The following PTGFR variants were observed in gnomAD, a reference collection of about 807,000 sequenced individuals.
The protein encoded by PTGFR is prostaglandin F receptor, also known as prostaglandin F2-alpha receptor.
In PTGFR, 15 loss-of-function variants were observed where a neutral mutation model predicts 26.2. The ratio of observed to expected loss-of-function variants is 0.57; its 90% CI spans 0.38 to 0.88. The LOEUF is 0.88. Among genes scored for constraint, PTGFR ranks in the 40% least tolerant of loss-of-function variants. PTGFR has a pLI of 0.00. For missense variants in PTGFR, 369 were observed against 427.2 expected (o/e 0.86, Z 1.20); for synonymous variants, 165 against 151.1 (o/e 1.09, Z -0.68).
intron 2 of PTGFR, among the ~76,000 whole-genome samples, chr1:78,515,583 G>GT (rs1163863037): frequency 4.6e-5 from 7 of 152,194 alleles, no homozygotes; most frequent in Non-Finnish European, 7.4e-5. Flanking sequence ...TCAAATCTGA[G>GT]TTTTTTTATT....
chr1:78,492,667 T>G lies in PTGFR; in HGVS notation c.-72-5T>G. The G allele has an allele frequency of 7.3e-7, 1 of 1,370,326 alleles. No homozygotes were observed. Among genetic ancestry groups the G allele is most frequent in the South Asian group, 1.4e-5 (1 of 71,950 alleles). 84.9% of individuals were successfully genotyped at this position (1,370,326 alleles called of 1,614,324 possible). A position where few individuals can be genotyped will look rare whatever the true frequency, so the allele number is the denominator to read the frequency against. ...GTTCATAATTCCTCTCCCTTTATCC[T>G]ACAGATGTCTGGACTGCAATCCTGC... is the stretch of plus-strand genomic sequence containing the variant. On this transcript the variant is annotated splice_region_variant and splice_polypyrimidine_tract_variant and intron_variant, in intron 1 of 2. Coordinates refer to ENST00000370757, the MANE Select transcript of PTGFR (RefSeq NM_000959.4).
intron 2 of PTGFR, among the ~76,000 whole-genome samples, chr1:78,496,145 A>AC (rs1414375413): frequency 6.6e-6 from 1 of 152,208 alleles, no homozygotes; most frequent in African/African-American, 2.4e-5. Flanking sequence ...TGGTCTGGAC[A>AC]CAAGTGCCTT....
At position 78,492,903 on chromosome 1, in the gene PTGFR, G is replaced by C. The variant is rs756882211; in HGVS notation, c.160G>C (p.Ala54Pro). The C allele has an allele frequency of 2.5e-6, 4 of 1,614,208 alleles. 1 individual carries two copies. The South Asian group carries it at 4.4e-5, about 18-fold the overall frequency. ...NSLAIAILMK[A>P]YQRFRQKSKA... ...CCTTGCCATCGCCATTCTCATGAAGGCATATCAGAGATTTAGACAGAAGTC... is the reference window on the plus strand; with the variant it reads ...CCTTGCCATCGCCATTCTCATGAAGCCATATCAGAGATTTAGACAGAAGTC... The change falls in exon 2 of 3, where the codon GCA becomes CCA. Residue 54 changes from alanine to proline, a missense_variant. Physicochemically the swap from Ala to Pro is conservative, Grantham distance 27 (BLOSUM62 -1). Transcript: ENST00000370757.
chr1:78,536,636 G>C lies in PTGFR; in HGVS notation c.1029G>C (p.Lys343Asn). The change falls in exon 3 of 3, where the codon AAG (lysine) becomes AAC (asparagine). Residue 343 changes from lysine to asparagine, a missense_variant. Transcript: ENST00000370757. ...TTAGTTCCATTAAAAATTCCTTAAA[G>C]GTTGCTGCTATTTCTGAGTCACCAG... Reference protein sequence around the residue: ...WELSSIKNSLKVAAISESPVA... With the variant: ...WELSSIKNSLNVAAISESPVA... 3 of 1,612,958 alleles carry C rather than the reference G, an allele frequency of 1.9e-6. No individual in the cohort carries two copies. The highest frequency in any genetic ancestry group is 2.5e-6 in the Non-Finnish European group (3 of 1,179,468).
rs527412462 is a variant in PTGFR, at chr1:78,491,437, T to C, written c.-73+201T>C. 1.1e-3 allele frequency among the ~76,000 whole-genome samples: 167 copies of C among 152,290 alleles called. 1 individual carries two copies. Among genetic ancestry groups the C allele is most frequent in the Non-Finnish European group, 1.5e-3 (99 of 68,024 alleles). ...CTAACCCATCCCCATTCTGAGCTGCTCTGCGGGGGATTGGGTAGAAAGGGT... is the reference window on the plus strand; with the variant it reads ...CTAACCCATCCCCATTCTGAGCTGCCCTGCGGGGGATTGGGTAGAAAGGGT... On this transcript the variant is annotated intron_variant, in intron 1 of 2. Coordinates refer to ENST00000370757, the MANE Select transcript of PTGFR (RefSeq NM_000959.4).
At chr1:78,511,301 C>A (rs1197977912) in intron 2 of PTGFR, among the ~76,000 whole-genome samples, 1 of 152,236 alleles carries the variant, frequency 6.6e-6, no homozygotes, top group African/African-American at 2.4e-5. Context: ...CCTGGGCACC[C>A]AGCCTTCCCC....
Position 78,493,001 on chromosome 1 carries a change from C to A in PTGFR, c.258C>A (p.Ala86=), listed in dbSNP as rs1649450689. The change falls in exon 2 of 3, where the codon GCC becomes GCA. Residue 86 remains alanine, a synonymous_variant. Coordinates refer to ENST00000370757, the MANE Select transcript of PTGFR (RefSeq NM_000959.4). ...TCTTTGGCCATCTCATCAATGGAGCCATAGCAGTATTTGTATATGCTTCTG... is the reference window on the plus strand; with the variant it reads ...TCTTTGGCCATCTCATCAATGGAGCAATAGCAGTATTTGTATATGCTTCTG... ...TDFFGHLING[A]IAVFVYASDK... The A allele has an allele frequency of 9.3e-6, 15 of 1,614,220 alleles. No individual in the cohort carries two copies. In the East Asian group the frequency reaches 3.3e-4, roughly 36 times the overall value.
intron 2 of PTGFR, among the ~76,000 whole-genome samples, chr1:78,496,708 G>GT (rs1358159319): frequency 6.6e-6 from 1 of 152,084 alleles, no homozygotes; most frequent in South Asian, 2.1e-4. Context: ...TTATATTTAA[G>GT]TTTTTGTCAA....
chr1:78,509,387 A>G (rs1469074080), intron 2 of PTGFR, among the ~76,000 whole-genome samples: 2 of 152,176 alleles, frequency 1.3e-5, no homozygotes, highest in Admixed American at 6.5e-5. Context: ...TCTCCAACCT[A>G]GCATATCCTT....
At chr1:78,531,878 C>T (rs1393210682) in intron 2 of PTGFR, among the ~76,000 whole-genome samples, 2 of 152,044 alleles carry the variant, frequency 1.3e-5, no homozygotes, top group Non-Finnish European at 2.9e-5. Context: ...GACTATTATA[C>T]ATATACTGAC....
intron 2 of PTGFR, among the ~76,000 whole-genome samples, chr1:78,523,084 A>G (rs1054134320): frequency 1.3e-5 from 2 of 152,062 alleles, no homozygotes; most frequent in African/African-American, 4.8e-5. Flanking sequence ...AAAGTATTTC[A>G]TTGTGTAGGT....
At chr1:78,527,276 A>G (rs965539685) in intron 2 of PTGFR, among the ~76,000 whole-genome samples, 3 of 152,092 alleles carry the variant, frequency 2.0e-5, no homozygotes, top group African/African-American at 7.2e-5. Flanking sequence ...GTCTTCATTT[A>G]AAAGTTTAAA....
intron 2 of PTGFR, among the ~76,000 whole-genome samples, chr1:78,535,987 C>A (rs1240026832): frequency 1.3e-5 from 2 of 152,154 alleles, no homozygotes; most frequent in Non-Finnish European, 2.9e-5. Context: ...AAATTAATAT[C>A]AGATGCTCTA....
intron 2 of PTGFR, among the ~76,000 whole-genome samples, chr1:78,504,465 G>C (rs181039585): frequency 8.5e-5 from 13 of 152,058 alleles, no homozygotes; most frequent in African/African-American, 2.9e-4. Context: ...GCAAAGAACA[G>C]ATAATTCTGA....
intron 2 of PTGFR, chr1:78,497,980 G>A: frequency 6.8e-7 from 1 of 1,461,724 alleles, no homozygotes. Context: ...TCTTGCAAAT[G>A]TAGAATTGGA....
chr1:78,528,344 A>G (rs1650425432), intron 2 of PTGFR, among the ~76,000 whole-genome samples: 1 of 141,466 alleles, frequency 7.1e-6, no homozygotes, highest in African/African-American at 2.6e-5. Context: ...AAATTGTCTT[A>G]TCCTTTTGAC....
intron 2 of PTGFR, among the ~76,000 whole-genome samples, chr1:78,523,328 C>G (rs1350262553): frequency 6.6e-6 from 1 of 152,116 alleles, no homozygotes. Context: ...TTGCACATTT[C>G]CTTCCTCTTA....
chr1:78,502,189 AG>A (rs1649722233), intron 2 of PTGFR, among the ~76,000 whole-genome samples: 1 of 152,160 alleles, frequency 6.6e-6, no homozygotes. Flanking sequence ...ATAATTTGTG[AG>A]GTATTAATTA....
chr1:78,518,322 G>A (rs1650140525), intron 2 of PTGFR, among the ~76,000 whole-genome samples: 1 of 151,942 alleles, frequency 6.6e-6, no homozygotes, highest in South Asian at 2.1e-4. Context: ...AGAATATAAA[G>A]TTATGTATCT....
Sources: allele counts gnomAD v4.1 joint callset (sites outside exome capture counted in the v4.1 genomes callset), GRCh38; gene constraint gnomAD v4.1.1; transcripts MANE v1.5; gene names NCBI Gene and HGNC (gene_info 2026-07-23, HGNC 2026-07-21).